Variants in EPHA10 observed in about 807,000 individuals in gnomAD.
EPHA10 encodes ephrin type-A receptor 10.
A neutral mutation model predicts 109.7 loss-of-function variants in EPHA10; 120 were observed. The observed-to-expected ratio is 1.09, with a 90% CI of 0.94 to 1.27. The LOEUF (loss-of-function observed/expected upper bound fraction) is 1.27. Among genes scored for constraint, EPHA10 ranks in the 50% most tolerant of loss-of-function variants. The pLI, the probability that EPHA10 is intolerant of heterozygous loss-of-function variation, is 0.00. For missense variants in EPHA10, 1,396 were observed against 1,411.1 expected (o/e 0.99, Z 0.17); for synonymous variants, 640 against 618.9 (o/e 1.03, Z -0.51).
At position 37,718,249 on chromosome 1, in the gene EPHA10, G is replaced by C. The variant is rs1018839565; in HGVS notation, c.*123C>G. The C allele has an allele frequency of 1.2e-6, 1 of 832,650 alleles. No homozygotes were observed. The highest frequency in any genetic ancestry group is 1.7e-5 in the African/African-American group (1 of 58,314). 51.6% of individuals were successfully genotyped at this position (832,650 alleles called of 1,614,324 possible). A position where few individuals can be genotyped will look rare whatever the true frequency, so the allele number is the denominator to read the frequency against. ...GGAAGCTGTGGCCCCACCAGATCTG[G>C]GCCCAAGCAGAGGAAGAGAGCGCTC... On this transcript the variant is annotated 3_prime_UTR_variant, in exon 17 of 17. Coordinates refer to ENST00000373048, the MANE Select transcript of EPHA10 (RefSeq NM_001099439.2).
intron 6 of EPHA10, among the ~76,000 whole-genome samples, chr1:37,731,794 G>A (rs987344485): frequency 3.3e-5 from 5 of 152,188 alleles, no homozygotes; most frequent in Non-Finnish European, 5.9e-5. Context: ...ACCCACACTC[G>A]GTGGCACTTG....
At chr1:37,737,407 G>A (rs1646086861) in intron 5 of EPHA10, among the ~76,000 whole-genome samples, 1 of 152,122 alleles carries the variant, frequency 6.6e-6, no homozygotes, top group Admixed American at 6.5e-5. Context: ...ATATGGTACA[G>A]ACATATAGAC....
In EPHA10 at chr1:37,754,261, G is replaced by A; in HGVS notation, c.960C>T (p.Asp320=). ...GGTCGGTGGGTGAGCGCGCATAGCT[G>A]TCCTGGCACACGCAGAAGGTGGAGG... ...ENASTFCVCQ[D]SYARSPTDPP... Residue 320 remains aspartate (D), a synonymous_variant, in exon 4 of 17, where the codon GAC becomes GAT. Transcript: ENST00000373048. The surrounding 1 kb of genome is among the most constrained non-coding windows in gnomAD (Gnocchi z 4.5). The A allele has an allele frequency of 7.5e-7, 1 of 1,326,162 alleles. No homozygotes were observed. Among genetic ancestry groups the A allele is most frequent in the Non-Finnish European group, 9.7e-7 (1 of 1,032,382 alleles). The allele number at this position is 1,326,162 out of a possible 1,614,324, so 82.1% of individuals were successfully genotyped here.
intron 3 of EPHA10, among the ~76,000 whole-genome samples, chr1:37,756,846 G>A (rs930608931): frequency 1.1e-4 from 17 of 152,118 alleles, no homozygotes; most frequent in Admixed American, 1.0e-3. Flanking sequence ...GTTTCTTTGT[G>A]ACAGGGTCTT....
At chr1:37,721,398 A>C (rs1645793733) in intron 11 of EPHA10, among the ~76,000 whole-genome samples, 1 of 150,810 alleles carries the variant, frequency 6.6e-6, no homozygotes, top group Non-Finnish European at 1.5e-5. Context: ...ACTGCACTCT[A>C]GCCTGGGCAA....
intron 5 of EPHA10, 33 bp from the exon 6 acceptor site, chr1:37,735,423 G>T: frequency 6.4e-7 from 1 of 1,567,700 alleles, no homozygotes; most frequent in South Asian, 1.2e-5. Flanking sequence ...TCTCCACCTT[G>T]ACCCACCTCA....
At chr1:37,724,353 G>A (rs190074605) in intron 8 of EPHA10, among the ~76,000 whole-genome samples, 117 of 152,258 alleles carry the variant, frequency 7.7e-4, no homozygotes, top group African/African-American at 2.6e-3. Flanking sequence ...AAGATAAGAC[G>A]GGCGTTCGAC....
chr1:37,749,545 T>C (rs756239367), intron 5 of EPHA10, among the ~76,000 whole-genome samples: 2 of 151,722 alleles, frequency 1.3e-5, no homozygotes, highest in Non-Finnish European at 2.9e-5. Context: ...TGGTGGTGTG[T>C]GCCTGTAATA....
intron 5 of EPHA10, among the ~76,000 whole-genome samples, chr1:37,740,506 C>T (rs977681018): frequency 1.2e-4 from 18 of 152,108 alleles, no homozygotes; most frequent in Admixed American, 3.3e-4. Context: ...GGGGTTTCAC[C>T]ATGTTAGCCA....
Position 37,719,547 on chromosome 1 carries a change from G to A in EPHA10, c.2623C>T (p.Leu875=), listed in dbSNP as rs774676111. The A allele has an allele frequency of 7.4e-6, 12 of 1,614,030 alleles. No homozygotes were observed. The highest frequency in any genetic ancestry group is 1.0e-5 in the Non-Finnish European group (12 of 1,180,040). The change falls in exon 15 of 17, where the codon CTG becomes TTG. Residue 875 remains leucine (L), a synonymous_variant. Transcript: ENST00000373048. ...LPPPRNCPNL[L]HRLMLDCWQK... ...CAGCAGTCGAGCATTAGTCGGTGCA[G>A]AAGGTTAGGACAGTTCCTGGGGGGT...
chr1:37,722,985 T>A, intron 10 of EPHA10, 56 bp downstream of exon 10: 1 of 1,612,956 alleles, frequency 6.2e-7, no homozygotes, highest in African/African-American at 1.3e-5. Context: ...GGGCGGGGCC[T>A]ATAGAGTGGG....
chr1:37,744,413 G>A (rs775720548), intron 5 of EPHA10, among the ~76,000 whole-genome samples: 104 of 151,780 alleles, frequency 6.9e-4, no homozygotes, highest in Admixed American at 2.2e-3. Context: ...CCAGCTACTC[G>A]GGAGGCTGAG....
intron 4 of EPHA10, among the ~76,000 whole-genome samples, chr1:37,753,994 C>T (rs1022094795): frequency 1.3e-5 from 2 of 152,128 alleles, no homozygotes; most frequent in African/African-American, 4.8e-5. Context: ...TCCGTCTGGA[C>T]TCTCGCAGTT....
At chr1:37,759,724 A>G (rs1646416189) in intron 3 of EPHA10, among the ~76,000 whole-genome samples, 1 of 152,100 alleles carries the variant, frequency 6.6e-6, no homozygotes, top group Non-Finnish European at 1.5e-5. Context: ...TCCAGGCTGT[A>G]ATGCACTATG....
chr1:37,727,018 T>C (rs751516013), intron 8 of EPHA10, 84 bp downstream of exon 8: 198 of 1,081,022 alleles, frequency 1.8e-4, no homozygotes, highest in Non-Finnish European at 2.6e-4. Flanking sequence ...GTGTGCAAAG[T>C]GGGCAGAGAT....
At chr1:37,761,038 C>G in intron 3 of EPHA10, 1 of 620,238 alleles carries the variant, frequency 1.6e-6, no homozygotes, top group Non-Finnish European at 2.1e-6. Context: ...TAGCCAAGAT[C>G]AAGCCAGTGC....
intron 3 of EPHA10, among the ~76,000 whole-genome samples, chr1:37,758,195 A>G (rs1646405139): frequency 6.6e-6 from 1 of 152,208 alleles, no homozygotes; most frequent in South Asian, 2.1e-4. Context: ...ATGCATCAGC[A>G]ATTCTAGCCC....
At chr1:37,721,557 A>C (rs1310315916) in intron 11 of EPHA10, 103 bp downstream of exon 11, 5 of 1,216,600 alleles carry the variant, frequency 4.1e-6, no homozygotes, top group Non-Finnish European at 5.5e-6. Context: ...CCCATAGCTG[A>C]GGGAAGGACC....
At chr1:37,724,787 G>A (rs534954741) in intron 8 of EPHA10, among the ~76,000 whole-genome samples, 4 of 152,322 alleles carry the variant, frequency 2.6e-5, no homozygotes, top group Admixed American at 2.6e-4. Context: ...CTCGGAACCT[G>A]ACTGCAGGGA....
Sources: gnomAD v4.1 joint callset for allele counts (sites outside exome capture counted in the v4.1 genomes callset) on GRCh38, gnomAD v4.1.1 for gene constraint, Gnocchi (gnomAD v3.1) non-coding constraint, MANE v1.5 for transcripts, NCBI Gene and HGNC (gene_info 2026-07-23, HGNC 2026-07-21) for gene names.